The following DOCK2 variants were observed in gnomAD, a reference collection of about 807,000 sequenced individuals.
DOCK2 encodes dedicator of cytokinesis protein 2.
DOCK2 carries 87 observed loss-of-function variants against 248.9 expected under a neutral mutation model. That is an observed-to-expected ratio of 0.35 (90% CI 0.29 to 0.42). The LOEUF is 0.42. Among genes scored for constraint, DOCK2 ranks in the 10% least tolerant of loss-of-function variants. The pLI is 1.00. For missense variants in DOCK2, 1,747 were observed against 2,300.2 expected (o/e 0.76, Z 4.92); for synonymous variants, 805 against 821.6 (o/e 0.98, Z 0.35).
intron 23 of DOCK2, 103 bp downstream of exon 23, chr5:169,747,607 C>A: frequency 1.0e-6 from 1 of 997,014 alleles, no homozygotes; most frequent in Non-Finnish European, 1.5e-6. Context: ...AAACTTGTAT[C>A]CAGTGAAGGC....
intron 27 of DOCK2, among the ~76,000 whole-genome samples, chr5:169,917,361 CA>C (rs1250235321): frequency 6.6e-6 from 1 of 152,134 alleles, no homozygotes. Flanking sequence ...ACCCTGACAC[CA>C]GTAGCCCTCA....
Position 169,998,658 on chromosome 5 carries a change from C to T in DOCK2, c.3072+2494C>T, listed in dbSNP as rs576261489. ...TAATAAGGAGATAGCATGGTGTCAC[C>T]GAGCACATCAATGCAAAGTTGGGAC... is the stretch of plus-strand genomic sequence containing the variant. On this transcript the variant is annotated intron_variant, in intron 30 of 51. Coordinates refer to ENST00000520908, the MANE Select transcript of DOCK2 (RefSeq NM_004946.3). Among the ~76,000 whole-genome samples, 7 of 152,220 alleles carry T rather than the reference C, an allele frequency of 4.6e-5. No individual in the cohort carries two copies. In the East Asian group the frequency reaches 9.7e-4, roughly 21 times the overall value.
intron 27 of DOCK2, among the ~76,000 whole-genome samples, chr5:169,849,586 CAAT>C (rs1381408355): frequency 6.6e-6 from 1 of 152,220 alleles, no homozygotes; most frequent in Non-Finnish European, 1.5e-5. Flanking sequence ...TTTATGATGA[CAAT>C]GATATGTTTA....
intron 27 of DOCK2, chr5:169,883,574 C>G: frequency 1.3e-6 from 2 of 1,551,636 alleles, no homozygotes; most frequent in Non-Finnish European, 1.7e-6. Flanking sequence ...CTTTTGAAAA[C>G]TGGGAAATGC....
Position 169,835,612 on chromosome 5 carries a change from T to A in DOCK2, c.2704-5145T>A, listed in dbSNP as rs114709945. 6.0e-3 allele frequency among the ~76,000 whole-genome samples: 907 copies of A among 152,180 alleles called. 8 individuals are homozygous for A. Among genetic ancestry groups the A allele is most frequent in the African/African-American group, 0.021 (869 of 41,524 alleles). On this transcript the variant is annotated intron_variant, in intron 26 of 51. Transcript: ENST00000520908. ...AGACAATGCCAAAAGTGAAAAGAAA[T>A]GTTTAAAAAAGAAGTACCAAAGCAT...
intron 1 of DOCK2, among the ~76,000 whole-genome samples, chr5:169,637,624 G>A (rs995771019): frequency 1.3e-5 from 2 of 152,166 alleles, no homozygotes; most frequent in Non-Finnish European, 2.9e-5. Flanking sequence ...TCCGAGATAG[G>A]GTCAAGACCT....
chr5:169,895,270 C>G (rs966291516), intron 27 of DOCK2, among the ~76,000 whole-genome samples: 1 of 152,170 alleles, frequency 6.6e-6, no homozygotes, highest in African/African-American at 2.4e-5. Context: ...CTTCTTTCTC[C>G]TTTCCTCCCT....
At chr5:170,072,992 T>C (rs1262369203) in intron 46 of DOCK2, among the ~76,000 whole-genome samples, 1 of 152,258 alleles carries the variant, frequency 6.6e-6, no homozygotes, top group Non-Finnish European at 1.5e-5. Context: ...TGTATTTTGA[T>C]GAACAGCAGT....
At position 169,883,132 on chromosome 5, in the gene DOCK2, G is replaced by A. The variant is rs749011750; in HGVS notation, c.2799+42280G>A. On this transcript the variant is annotated intron_variant, in intron 27 of 51. Coordinates refer to ENST00000520908, the MANE Select transcript of DOCK2 (RefSeq NM_004946.3). The stretch of plus-strand genomic sequence containing the variant: ...AACGCTGGTGGCATTTAAGCAGGAG[G>A]TGGATTTTTCTGAATCTAGTGGAGT... 1.6e-4 allele frequency: 250 copies of A among 1,551,534 alleles called. No homozygotes were observed. The highest frequency in any genetic ancestry group is 1.8e-4 in the Non-Finnish European group (207 of 1,146,952).
intron 25 of DOCK2, among the ~76,000 whole-genome samples, chr5:169,785,576 C>G (rs1349058377): frequency 6.6e-6 from 1 of 152,174 alleles, no homozygotes; most frequent in South Asian, 2.1e-4. Context: ...GAAAGATGTA[C>G]TAGATTGCAG....
intron 25 of DOCK2, among the ~76,000 whole-genome samples, chr5:169,766,421 C>T (rs1014883509): frequency 1.3e-5 from 2 of 152,148 alleles, no homozygotes; most frequent in Non-Finnish European, 2.9e-5. Context: ...TTTATGGCTG[C>T]GTAGTATTTC....
At chr5:170,063,454 A>G (rs1470179945) in intron 44 of DOCK2, among the ~76,000 whole-genome samples, 2 of 152,028 alleles carry the variant, frequency 1.3e-5, no homozygotes, top group African/African-American at 4.8e-5. Flanking sequence ...GCAGAAATTA[A>G]CAGCTCCCAT....
chr5:169,707,987 G>C (rs1291073098), intron 14 of DOCK2, among the ~76,000 whole-genome samples, 182 bp from the exon 15 acceptor site: 3 of 152,208 alleles, frequency 2.0e-5, no homozygotes, highest in Admixed American at 2.0e-4. Flanking sequence ...TCCTGTGGCT[G>C]GGGCACTCCT....
intron 26 of DOCK2, among the ~76,000 whole-genome samples, chr5:169,810,977 TCTCTCTCTCTCTCACA>T (rs1184366040): frequency 7.2e-6 from 1 of 138,094 alleles, no homozygotes; most frequent in Non-Finnish European, 1.5e-5. Flanking sequence ...ACAGACTCTC[TCTCTCTCTCTCTCACA>T]CACACACACA....
intron 27 of DOCK2, among the ~76,000 whole-genome samples, chr5:169,934,395 C>G (rs1355671537): frequency 1.9e-4 from 29 of 152,208 alleles, no homozygotes. Context: ...CACTAATTTA[C>G]CTATCCGCAT....
In DOCK2 at chr5:170,083,035, C is replaced by A; in HGVS notation, c.*177C>A. The A allele has an allele frequency of 1.4e-6, 1 of 694,558 alleles. No individual in the cohort carries two copies. Among genetic ancestry groups the A allele is most frequent in the Non-Finnish European group, 2.4e-6 (1 of 417,202 alleles). 43.0% of individuals were successfully genotyped at this position (694,558 alleles called of 1,614,324 possible). On this transcript the variant is annotated 3_prime_UTR_variant, in exon 52 of 52. Transcript: ENST00000520908. ...AGAGCTTGAATGCTAACAAGCCCAG[C>A]ATCCCCTGGGGCTGTGATCATGGTG...
intron 26 of DOCK2, among the ~76,000 whole-genome samples, chr5:169,810,560 G>T (rs1010036512): frequency 1.2e-4 from 18 of 152,154 alleles, no homozygotes; most frequent in African/African-American, 4.1e-4. Flanking sequence ...CAAAAAGGTG[G>T]GTTGGTTAAC....
chr5:170,013,550 G>A (rs1755390611), intron 32 of DOCK2, among the ~76,000 whole-genome samples: 1 of 151,960 alleles, frequency 6.6e-6, no homozygotes, highest in Non-Finnish European at 1.5e-5. Context: ...ATGGAGGAAG[G>A]GGCCATGAAC....
chr5:170,081,928 G>C lies in DOCK2; in HGVS notation c.5374G>C (p.Asp1792His), dbSNP rs1408260675. 52 of 1,614,016 alleles carry C rather than the reference G, an allele frequency of 3.2e-5. No individual in the cohort carries two copies. Among genetic ancestry groups the C allele is most frequent in the Non-Finnish European group, 4.4e-5 (52 of 1,180,038 alleles). ...RLSQTFLQLS[D>H]GDKKTLTRKK... ...CAGCCAGACCTTCCTCCAACTCTCA[G>C]ATGGTGACAAGAAGACACTCACACG... Residue 1792 changes from aspartate to histidine, a missense_variant, in exon 51 of 52, where the codon GAT becomes CAT. Around this residue, in one of 4 missense-constraint regions of DOCK2, gnomAD observed 513 missense variants for 586.1 expected, o/e 0.88. Coordinates refer to ENST00000520908, the MANE Select transcript of DOCK2 (RefSeq NM_004946.3).
Sources: gnomAD v4.1 joint callset for allele counts (sites outside exome capture counted in the v4.1 genomes callset) on GRCh38, gnomAD v4.1.1 for gene constraint, gnomAD v4.1.1 regional missense constraint, MANE v1.5 for transcripts, NCBI Gene and HGNC (gene_info 2026-07-23, HGNC 2026-07-21) for gene names.